Variants in FRMD6 observed in about 807,000 individuals in gnomAD.
FRMD6 encodes FERM domain-containing protein 6.
A neutral mutation model predicts 73.2 loss-of-function variants in FRMD6; 37 were observed. The observed-to-expected ratio is 0.51, with a 90% CI of 0.39 to 0.66. The LOEUF (loss-of-function observed/expected upper bound fraction) is 0.66. Among genes scored for constraint, FRMD6 ranks in the 30% least tolerant of loss-of-function variants. The pLI is 0.00. For missense variants in FRMD6, 714 were observed against 780.5 expected, an observed-to-expected ratio of 0.91 and a Z score of 1.02; for synonymous variants, 273 against 282.2, an observed-to-expected ratio of 0.97 and a Z score of 0.33.
At chr14:51,414,993 T>A in the FRMD6 span, among the ~76,000 whole-genome samples, 12 of 152,290 alleles carry the variant, frequency 7.9e-5, no homozygotes, top group East Asian at 2.3e-3. Flanking sequence ...ATTTCTGCAC[T>A]CTGATTTTGT....
At chr14:51,483,498 G>A in the FRMD6 span, among the ~76,000 whole-genome samples, 1 of 152,216 alleles carries the variant, frequency 6.6e-6, no homozygotes, top group Non-Finnish European at 1.5e-5. Context: ...TCCAGGCATG[G>A]GGAACAGCCA....
the FRMD6 span, chr14:51,436,084 C>A: frequency 7.3e-5 from 15 of 205,454 alleles, no homozygotes; most frequent in Non-Finnish European, 1.2e-4. Flanking sequence ...GTGAAGAAAC[C>A]AAGACCACCT....
the FRMD6 span, among the ~76,000 whole-genome samples, chr14:51,472,367 G>A: frequency 3.3e-5 from 5 of 152,080 alleles, no homozygotes; most frequent in African/African-American, 9.6e-5. Flanking sequence ...GCAGTGGTGC[G>A]ATCTCAGCTC....
chr14:51,600,691 G>T (rs564357946), intron 2 of FRMD6, among the ~76,000 whole-genome samples: 1 of 152,248 alleles, frequency 6.6e-6, no homozygotes, highest in Non-Finnish European at 1.5e-5. Flanking sequence ...ATTTATTTTT[G>T]GCCTTTTCAA....
intron 1 of FRMD6, among the ~76,000 whole-genome samples, chr14:51,675,887 A>C (rs2140271236): frequency 6.6e-6 from 1 of 152,286 alleles, no homozygotes; most frequent in East Asian, 1.9e-4. Context: ...GGTAAAAATT[A>C]AATCTAGAAT....
the FRMD6 span, among the ~76,000 whole-genome samples, chr14:51,465,446 C>T: frequency 6.6e-6 from 1 of 152,188 alleles, no homozygotes; most frequent in Admixed American, 6.5e-5. Flanking sequence ...ACCTCCCTCC[C>T]CCCGCCATCT....
intron 9 of FRMD6, among the ~76,000 whole-genome samples, chr14:51,713,184 C>CAGT (rs1007848757): frequency 6.6e-6 from 1 of 152,116 alleles, no homozygotes; most frequent in African/African-American, 2.4e-5. Context: ...TGGCCGGGCA[C>CAGT]AGTGGCTCAC....
chr14:51,455,261 A>T, the FRMD6 span, among the ~76,000 whole-genome samples: 1 of 152,224 alleles, frequency 6.6e-6, no homozygotes, highest in Non-Finnish European at 1.5e-5. Flanking sequence ...AGGCATACTA[A>T]TTCACATCCC....
At chr14:51,553,080 T>C (rs1344624339) in intron 1 of FRMD6, among the ~76,000 whole-genome samples, 1 of 152,246 alleles carries the variant, frequency 6.6e-6, no homozygotes, top group African/African-American at 2.4e-5. Context: ...TAATACATTG[T>C]GAATAAGTCC....
chr14:51,577,263 C>T (rs534773135), intron 2 of FRMD6, among the ~76,000 whole-genome samples: 2 of 151,618 alleles, frequency 1.3e-5, no homozygotes, highest in East Asian at 1.9e-4. Context: ...CATTTAACTA[C>T]TCCAATGGAA....
chr14:51,525,878 G>C (rs1019681213), intron 1 of FRMD6, among the ~76,000 whole-genome samples: 2 of 152,178 alleles, frequency 1.3e-5, no homozygotes, highest in Non-Finnish European at 2.9e-5. Flanking sequence ...TCTGCCCTCA[G>C]GAAGTTGACA....
chr14:51,428,447 T>C, the FRMD6 span, among the ~76,000 whole-genome samples: 2 of 152,324 alleles, frequency 1.3e-5, no homozygotes, highest in South Asian at 2.1e-4. Context: ...GCTGCGTATA[T>C]GGAGCAGACA....
chr14:51,620,407 G>A lies in FRMD6; in HGVS notation c.-147+49997G>A, dbSNP rs556149531. Among the ~76,000 whole-genome samples, 6 of 152,202 alleles carry A rather than the reference G, an allele frequency of 3.9e-5. No homozygotes were observed. The South Asian group carries it at 1.3e-3, about 32-fold the overall frequency. On this transcript the variant is annotated intron_variant, in intron 2 of 14. Transcript: ENST00000356218. ...ACAAGGAAAGTTCCACTGATTTGGC[G>A]CATGGTTGGGGATTGGGCACCAGGA...
chr14:51,507,083 GACACACACACACACACACACACACAC>G (rs200052672), intron 1 of FRMD6, among the ~76,000 whole-genome samples: 13 of 138,992 alleles, frequency 9.4e-5, no homozygotes, highest in South Asian at 2.5e-4. Flanking sequence ...TGGTTGTATA[GACACACACACACACACACACACACAC>G]ACACACACAC....
intron 2 of FRMD6, among the ~76,000 whole-genome samples, chr14:51,636,337 T>G (rs1594634308): frequency 6.6e-6 from 1 of 152,226 alleles, no homozygotes; most frequent in African/African-American, 2.4e-5. Flanking sequence ...GGTTTAGTCA[T>G]TAGTCAACAT....
chr14:51,454,007 G>A, the FRMD6 span, among the ~76,000 whole-genome samples: 2 of 152,228 alleles, frequency 1.3e-5, no homozygotes, highest in Non-Finnish European at 2.9e-5. Context: ...TCTGCTCCGT[G>A]CCAGTCAGTG....
chr14:51,483,929 T>A, the FRMD6 span, among the ~76,000 whole-genome samples: 1 of 152,192 alleles, frequency 6.6e-6, no homozygotes, highest in Non-Finnish European at 1.5e-5. Context: ...AAACTGAGGC[T>A]TGCAGAGATT....
intron 1 of FRMD6, among the ~76,000 whole-genome samples, chr14:51,668,949 A>G (rs915875898): frequency 6.6e-6 from 1 of 152,214 alleles, no homozygotes; most frequent in Non-Finnish European, 1.5e-5. Flanking sequence ...GATTACAGGC[A>G]TAAGCCACCA....
intron 2 of FRMD6, among the ~76,000 whole-genome samples, chr14:51,612,116 A>G (rs964768258): frequency 3.3e-5 from 5 of 152,256 alleles, no homozygotes; most frequent in African/African-American, 1.2e-4. Context: ...ATATTTTCAA[A>G]AGAAATGCCT....
Sources: allele counts gnomAD v4.1 joint callset (sites outside exome capture counted in the v4.1 genomes callset), GRCh38; gene constraint gnomAD v4.1.1; transcripts MANE v1.5; gene names NCBI Gene and HGNC (gene_info 2026-07-23, HGNC 2026-07-21).